The following SMARCC1 variants were observed in gnomAD, a reference collection of about 807,000 sequenced individuals.
SMARCC1 encodes the protein SWI/SNF related BAF chromatin remodeling complex subunit C1.
Under a neutral mutation model 147.4 loss-of-function variants are expected in SMARCC1, and 43 were observed. The ratio of observed to expected loss-of-function variants is 0.29; its 90% CI spans 0.23 to 0.38. The LOEUF (loss-of-function observed/expected upper bound fraction) is 0.38. Among genes scored for constraint, SMARCC1 ranks in the 10% least tolerant of loss-of-function variants. SMARCC1 has a pLI of 1.00. For synonymous variants in SMARCC1, 495 were observed against 484.4 expected (o/e 1.02, Z -0.29); for missense variants, 1,119 against 1,381.1 (o/e 0.81, Z 3.01).
At chr3:47,659,760 A>AAAG (rs373959195) in intron 21 of SMARCC1, among the ~76,000 whole-genome samples, 3 of 47,780 alleles carry the variant, frequency 6.3e-5, no homozygotes, top group African/African-American at 2.7e-4. Flanking sequence ...GAAAAAAAAA[A>AAAG]GGGGGGGGGG....
At chr3:47,604,446 C>T (rs772175388) in intron 26 of SMARCC1, 15 of 374,326 alleles carry the variant, frequency 4.0e-5, no homozygotes, top group Non-Finnish European at 6.8e-5. Flanking sequence ...CCAATGTAAG[C>T]TGTGGCCTGT....
chr3:47,772,850 C>T lies in SMARCC1; in HGVS notation c.282G>A (p.Lys94=). ...TGGTGAAGGCCGGGTTGGTGACATG[C>T]TTCCCAAAGGCATCTTCCTGGAACT... is the stretch of plus-strand genomic sequence containing the variant. ...LLQFQEDAFG[K]HVTNPAFTKL... Residue 94 remains lysine, a synonymous_variant, in exon 2 of 28, where the codon AAG becomes AAA. Coordinates refer to ENST00000254480, the MANE Select transcript of SMARCC1 (RefSeq NM_003074.4). 6.2e-7 allele frequency: 1 copy of T among 1,613,174 alleles called. No homozygotes were observed. Among genetic ancestry groups the T allele is most frequent in the Non-Finnish European group, 8.5e-7 (1 of 1,179,420 alleles).
chr3:47,595,315 A>T (rs938397806), intron 26 of SMARCC1, among the ~76,000 whole-genome samples: 2 of 152,192 alleles, frequency 1.3e-5, no homozygotes, highest in African/African-American at 4.8e-5. Flanking sequence ...ACCTGAGGTC[A>T]GGAGTTCGAG....
intron 1 of SMARCC1, among the ~76,000 whole-genome samples, chr3:47,780,158 GTTTTTTTTTGTTTT>G (rs2035026444): frequency 1.9e-5 from 1 of 51,566 alleles, no homozygotes; most frequent in South Asian, 6.1e-4. Flanking sequence ...TGGGTCTTTG[GTTTTTTTTTGTTTT>G]TTTTTTTTTT....
chr3:47,757,348 A>G (rs1223651750), intron 2 of SMARCC1, among the ~76,000 whole-genome samples: 1 of 152,224 alleles, frequency 6.6e-6, no homozygotes, highest in Non-Finnish European at 1.5e-5. Context: ...AGGATAGCCA[A>G]GTGGCCAATA....
intron 19 of SMARCC1, among the ~76,000 whole-genome samples, chr3:47,665,484 A>AT (rs932965987): frequency 1.4e-4 from 21 of 152,230 alleles, no homozygotes; most frequent in Admixed American, 1.0e-3. Flanking sequence ...ATTAAAAAAT[A>AT]TTTTTTCATG....
intron 27 of SMARCC1, 74 bp from the exon 28 acceptor site, chr3:47,588,380 A>C (rs1316118841): frequency 1.4e-6 from 2 of 1,394,564 alleles, no homozygotes; most frequent in African/African-American, 2.9e-5. Context: ...ATTCAGTGAA[A>C]AAAAGACACA....
At position 47,586,642 on chromosome 3, in the gene SMARCC1, A is replaced by G. The variant is rs1181243800; in HGVS notation, c.*1567T>C. On this transcript the variant is annotated 3_prime_UTR_variant, in exon 28 of 28. Transcript: ENST00000254480. ...AAGTGTTTTATAAACACCTCCCTATACCCTCTCATATGTAAAGCTTTAGAA... is the reference window on the plus strand; with the variant it reads ...AAGTGTTTTATAAACACCTCCCTATGCCCTCTCATATGTAAAGCTTTAGAA... 6.6e-6 allele frequency: 1 copy of G among 152,530 alleles called. No homozygotes were observed. Among genetic ancestry groups the G allele is most frequent in the Non-Finnish European group, 1.5e-5 (1 of 68,012 alleles). The allele number at this position is 152,530 out of a possible 1,614,324, so 9.4% of individuals were successfully genotyped here.
intron 21 of SMARCC1, among the ~76,000 whole-genome samples, chr3:47,647,294 T>A (rs1306734907): frequency 1.3e-5 from 2 of 152,246 alleles, no homozygotes; most frequent in African/African-American, 2.4e-5. Flanking sequence ...CACATGATCA[T>A]TCTGCTTTTC....
At chr3:47,625,574 T>G (rs2032798059) in intron 24 of SMARCC1, among the ~76,000 whole-genome samples, 1 of 152,108 alleles carries the variant, frequency 6.6e-6, no homozygotes, top group South Asian at 2.1e-4. Flanking sequence ...AATAAAAGTT[T>G]AAAGGTGGGT....
rs140312164 is a variant in SMARCC1 at position 47,639,827 on chromosome 3, C to T, written c.2321-1047G>A. ...AACATCATCATAAAGGATTTGAATACACCTCTCAATAAGATATAGAGCAGA... is the reference window on the plus strand; with the variant it reads ...AACATCATCATAAAGGATTTGAATATACCTCTCAATAAGATATAGAGCAGA... On this transcript the variant is annotated intron_variant, in intron 21 of 27. Coordinates refer to ENST00000254480, the MANE Select transcript of SMARCC1 (RefSeq NM_003074.4). Among the ~76,000 whole-genome samples the T allele has an allele frequency of 1.1e-4, 17 of 152,266 alleles. No homozygotes were observed. The East Asian group carries it at 2.3e-3, about 21-fold the overall frequency.
intron 19 of SMARCC1, chr3:47,663,947 G>A: frequency 7.5e-7 from 1 of 1,336,140 alleles, no homozygotes; most frequent in South Asian, 1.3e-5. Flanking sequence ...CCAGGGTCTG[G>A]CTTTGAAAGC....
chr3:47,597,442 G>T (rs983929187), intron 26 of SMARCC1, among the ~76,000 whole-genome samples: 1 of 152,014 alleles, frequency 6.6e-6, no homozygotes, highest in Admixed American at 6.6e-5. Context: ...TTCTCCTGCC[G>T]CAGCCTCCCG....
At chr3:47,635,412 C>CA (rs3216712) in intron 23 of SMARCC1, 68 bp from the exon 24 acceptor site, 881,885 of 1,359,108 alleles carry the variant, frequency 0.65, 291,931 homozygotes, top group East Asian at 0.72. Context: ...TCCTTACCTC[C>CA]ACCACTATAA....
chr3:47,743,721 G>A (rs1214129070), intron 3 of SMARCC1, among the ~76,000 whole-genome samples: 1 of 151,424 alleles, frequency 6.6e-6, no homozygotes. Flanking sequence ...GGTGAGGCAG[G>A]AGAACTGCTT....
intron 6 of SMARCC1, among the ~76,000 whole-genome samples, chr3:47,724,560 A>G (rs1003933251): frequency 6.6e-6 from 1 of 152,182 alleles, no homozygotes; most frequent in Non-Finnish European, 1.5e-5. Context: ...TTCTTAGAAC[A>G]TTATGGTTTT....
Position 47,622,436 on chromosome 3 carries a change from T to C in SMARCC1, c.2647-95A>G, listed in dbSNP as rs1311893314. ...AATATTCAAAGTAGAGATTATATAA[T>C]TTACAATGGTACCCTATATGTCTCC... On this transcript the variant is annotated intron_variant, in intron 24 of 27. Transcript: ENST00000254480. 8 of 1,154,810 alleles carry C rather than the reference T, an allele frequency of 6.9e-6. No homozygotes were observed. In the East Asian group the frequency reaches 1.9e-4, roughly 27 times the overall value. 71.5% of individuals were successfully genotyped at this position (1,154,810 alleles called of 1,614,324 possible).
chr3:47,661,203 T>C lies in SMARCC1; in HGVS notation c.2320+91A>G, dbSNP rs2033341739. On this transcript the variant is annotated intron_variant, in intron 21 of 27. Coordinates refer to ENST00000254480, the MANE Select transcript of SMARCC1 (RefSeq NM_003074.4). ...AGTTTATACTGATCATTGTACTCAC[T>C]TTTTAGTGCAAGTAAACCCAATTAT... The C allele has an allele frequency of 2.7e-6, 3 of 1,101,478 alleles. No homozygotes were observed. The East Asian group carries it at 7.2e-5, about 26-fold the overall frequency. 68.2% of individuals were successfully genotyped at this position (1,101,478 alleles called of 1,614,324 possible). A position where few individuals can be genotyped will look rare whatever the true frequency, so the allele number is the denominator to read the frequency against.
Position 47,611,774 on chromosome 3 carries a change from G to C in SMARCC1, c.2782-1447C>G, listed in dbSNP as rs538787586. Among the ~76,000 whole-genome samples the C allele has an allele frequency of 4.6e-5, 7 of 152,322 alleles. No homozygotes were observed. In the South Asian group the frequency reaches 1.4e-3, roughly 32 times the overall value. On this transcript the variant is annotated intron_variant, in intron 25 of 27. Coordinates refer to ENST00000254480, the MANE Select transcript of SMARCC1 (RefSeq NM_003074.4). ...GAGTGAGAAGCATCACTGGTTATAG[G>C]AGTAGCAACTGGGGTATTTCCATGG...
Sources: allele counts gnomAD v4.1 joint callset (sites outside exome capture counted in the v4.1 genomes callset), GRCh38; gene constraint gnomAD v4.1.1; transcripts MANE v1.5; gene names NCBI Gene and HGNC (gene_info 2026-07-23, HGNC 2026-07-21).